Variants in WNK1 observed in about 807,000 individuals in gnomAD.
WNK1 encodes the protein WNK lysine deficient protein kinase 1, also known as serine/threonine-protein kinase WNK1.
Under a neutral mutation model 222.8 loss-of-function variants are expected in WNK1, and 38 were observed. The ratio of observed to expected loss-of-function variants is 0.17; its 90% CI spans 0.13 to 0.22. The LOEUF is 0.22. Ranked by LOEUF, WNK1 falls within the 10% of genes least tolerant of loss-of-function variation. WNK1 has a pLI of 1.00. For synonymous variants in WNK1, 1,090 were observed against 1,092.9 expected (o/e 1.00, Z 0.05); for missense variants, 2,348 against 2,918.4 (o/e 0.80, Z 4.50).
At chr12:755,345 A>G (rs117480018) in intron 1 of WNK1, among the ~76,000 whole-genome samples, 2 of 152,338 alleles carry the variant, frequency 1.3e-5, no homozygotes, top group East Asian at 1.9e-4. Context: ...CCAGCCTGAT[A>G]CAGGATATGA....
chr12:853,536 C>A (rs1358194354), intron 4 of WNK1, among the ~76,000 whole-genome samples: 1 of 152,168 alleles, frequency 6.6e-6, no homozygotes, highest in African/African-American at 2.4e-5. Context: ...CAGGTGTTAT[C>A]ATTATTGGCT....
intron 1 of WNK1, among the ~76,000 whole-genome samples, chr12:791,493 T>C (rs958758896): frequency 1.3e-4 from 20 of 152,088 alleles, no homozygotes; most frequent in Non-Finnish European, 2.2e-4. Flanking sequence ...TGCTTTTCTA[T>C]AATAACATTC....
intron 1 of WNK1, among the ~76,000 whole-genome samples, chr12:772,396 A>C (rs1028648495): frequency 6.8e-6 from 1 of 147,970 alleles, no homozygotes; most frequent in Non-Finnish European, 1.5e-5. Flanking sequence ...CACAGTAATC[A>C]TAATTGGGGT....
Position 894,633 on chromosome 12 carries a change from C to G in WNK1, c.5581C>G (p.Gln1861Glu), listed in dbSNP as rs1954579155. 1.2e-6 allele frequency: 2 copies of G among 1,613,722 alleles called. No homozygotes were observed. The highest frequency in any genetic ancestry group is 1.7e-6 in the Non-Finnish European group (2 of 1,179,784). The change falls in exon 23 of 28, where the codon CAG (glutamine) becomes GAG (glutamate). Residue 1861 changes from glutamine (Q) to glutamate (E), a missense_variant and splice_region_variant. Gln to Glu is a conservative substitution (Grantham distance 29). Around this residue, in one of 13 missense-constraint regions of WNK1, gnomAD observed 1,144 missense variants for 1,273.6 expected, o/e 0.90. Transcript: ENST00000315939. Reference protein sequence around the residue: ...GAGVFKMGRFQVSVAADGAQK... With the variant: ...GAGVFKMGRFEVSVAADGAQK... Reference sequence around the variant, plus strand: ...TGGTGTTTTTAAGATGGGACGATTTCAGGTAAGACAGTCACTTTGTGTTGC... The same window carrying G: ...TGGTGTTTTTAAGATGGGACGATTTGAGGTAAGACAGTCACTTTGTGTTGC...
At position 859,246 on chromosome 12, in the gene WNK1, T is replaced by C. The variant is rs1261145905; in HGVS notation, c.1402T>C (p.Tyr468His). 6.2e-7 allele frequency: 1 copy of C among 1,610,406 alleles called. No individual in the cohort carries two copies. Among genetic ancestry groups the C allele is most frequent in the Non-Finnish European group, 8.5e-7 (1 of 1,176,840 alleles). Residue 468 changes from tyrosine to histidine, a missense_variant and splice_region_variant, in exon 6 of 28, where the codon TAT (tyrosine) becomes CAT (histidine). By Grantham distance (83) the Tyr-to-His change is moderately conservative (BLOSUM62 2). This residue lies in a region of WNK1 where 37 missense variants were observed against 102.8 expected (regional missense o/e 0.36). Coordinates refer to ENST00000315939, the MANE Select transcript of WNK1 (RefSeq NM_018979.4). ...TTTTCTTTTCCCTCTGTTTGGAAGA[T>C]ATTCCATCAAAGACCTTTTGAACCA... Reference protein sequence around the residue: ...GCIRQNKDERYSIKDLLNHAF... With the variant: ...GCIRQNKDERHSIKDLLNHAF...
At chr12:834,884 C>T (rs548109996) in intron 4 of WNK1, among the ~76,000 whole-genome samples, 33 of 152,266 alleles carry the variant, frequency 2.2e-4, no homozygotes, top group Non-Finnish European at 3.7e-4. Flanking sequence ...TGTGAAGCAG[C>T]ACCAGGCATC....
At position 883,036 on chromosome 12, in the gene WNK1, C is replaced by G; in HGVS notation, c.3466C>G (p.Pro1156Ala). 1 of 1,612,282 alleles carries G rather than the reference C, an allele frequency of 6.2e-7. No individual in the cohort carries two copies. The highest frequency in any genetic ancestry group is 8.5e-7 in the Non-Finnish European group (1 of 1,178,444). ...CAAATTTGACCTAGATGGTGACAACCCCGAGGAGATAGCAACAATTATGGT... is the reference window on the plus strand; with the variant it reads ...CAAATTTGACCTAGATGGTGACAACGCCGAGGAGATAGCAACAATTATGGT... Reference protein sequence around the residue: ...TFKFDLDGDNPEEIATIMVNN... With the variant: ...TFKFDLDGDNAEEIATIMVNN... Residue 1156 changes from proline to alanine, a missense_variant, in exon 15 of 28, where the codon CCC becomes GCC. By Grantham distance (27) the Pro-to-Ala change is conservative. This residue lies in a region of WNK1 where 20 missense variants were observed against 65.0 expected (regional missense o/e 0.31). Coordinates refer to ENST00000315939, the MANE Select transcript of WNK1 (RefSeq NM_018979.4).
rs368645018 is a variant in WNK1 at position 753,332 on chromosome 12, T to C, written c.-234T>C. 7.6e-5 allele frequency: 44 copies of C among 582,478 alleles called. No individual in the cohort carries two copies. The East Asian group carries it at 1.2e-3, about 15-fold the overall frequency. 36.1% of individuals were successfully genotyped at this position (582,478 alleles called of 1,614,324 possible). On this transcript the variant is annotated 5_prime_UTR_variant, in exon 1 of 28. Coordinates refer to ENST00000315939, the MANE Select transcript of WNK1 (RefSeq NM_018979.4). The surrounding 1 kb of genome is among the most constrained non-coding windows in gnomAD (Gnocchi z 5.2). ...TGGCTCAGCTCCCGAATCGCCCGCC[T>C]TCGAGCCCTCCTCGTGAGCCGCAGC...
At chr12:868,380 A>G in intron 8 of WNK1, 1 of 1,614,000 alleles carries the variant, frequency 6.2e-7, no homozygotes, top group South Asian at 1.1e-5. Flanking sequence ...ATACCTGAAC[A>G]GAAGCCAGTA....
Position 900,499 on chromosome 12 carries a change from G to A in WNK1, c.6472G>A (p.Ala2158Thr), listed in dbSNP as rs1173159491. ...LSGNLSGQSA[A>T]SVLHPQQTLH... Reference sequence around the variant, plus strand: ...AGGTAACCTGTCTGGTCAGAGTGCAGCTTCAGTCTTGCACCCCCAGCAGAC... The same window carrying A: ...AGGTAACCTGTCTGGTCAGAGTGCAACTTCAGTCTTGCACCCCCAGCAGAC... The change falls in exon 26 of 28, where the codon GCT becomes ACT. Residue 2158 changes from alanine (A) to threonine (T), a missense_variant. Coordinates refer to ENST00000315939, the MANE Select transcript of WNK1 (RefSeq NM_018979.4). 13 of 1,614,146 alleles carry A rather than the reference G, an allele frequency of 8.1e-6. No individual in the cohort carries two copies. The highest frequency in any genetic ancestry group is 1.0e-5 in the Non-Finnish European group (12 of 1,180,022).
At chr12:878,107 AT>A in intron 9 of WNK1, 104 bp from the exon 10 acceptor site, 1 of 1,439,568 alleles carries the variant, frequency 6.9e-7, no homozygotes, top group South Asian at 1.2e-5. Context: ...GATTACTAAA[AT>A]CATCATTATT....
In WNK1 at chr12:895,996, T is replaced by C. The variant is rs35956200; in HGVS notation, c.5584-75T>C. The C allele has an allele frequency of 0.13, 211,082 of 1,590,304 alleles. 14,803 individuals carry two copies. The highest frequency in any genetic ancestry group is 0.17 in the South Asian group (15,559 of 89,740). On this transcript the variant is annotated intron_variant, in intron 23 of 27. Coordinates refer to ENST00000315939, the MANE Select transcript of WNK1 (RefSeq NM_018979.4). ...CAGGGAAATAAAGTGATTCTTTTTT[T>C]CCTTTTTTAAATTGTCTGTGATAGA...
intron 25 of WNK1, among the ~76,000 whole-genome samples, chr12:899,861 A>G (rs1414900204): frequency 6.6e-6 from 1 of 151,548 alleles, no homozygotes; most frequent in Non-Finnish European, 1.5e-5. Context: ...AATAGGGTAA[A>G]AAAAAAAGCA....
chr12:882,928 C>T lies in WNK1; in HGVS notation c.3373-15C>T, dbSNP rs775304747. ...AATATGGTCTTTGGAGATGATGTAC[C>T]TTTTTTCTTTTTAGGTTTCAAATAA... On this transcript the variant is annotated splice_polypyrimidine_tract_variant and intron_variant, in intron 14 of 27. Coordinates refer to ENST00000315939, the MANE Select transcript of WNK1 (RefSeq NM_018979.4). 8 of 1,513,882 alleles carry T rather than the reference C, an allele frequency of 5.3e-6. No homozygotes were observed. The highest frequency in any genetic ancestry group is 7.3e-6 in the Non-Finnish European group (8 of 1,089,012). The allele number at this position is 1,513,882 out of a possible 1,614,324, so 93.8% of individuals were successfully genotyped here.
chr12:824,031 C>T lies in WNK1; in HGVS notation c.933-3011C>T, dbSNP rs575167455. 5.9e-5 allele frequency among the ~76,000 whole-genome samples: 9 copies of T among 151,358 alleles called. No individual in the cohort carries two copies. In the South Asian group the frequency reaches 8.4e-4, roughly 14 times the overall value. ...AAGCGATTCTCCAACCTCAGCCTCC[C>T]GAGTAGCTGGGGCTATAGGCACATG... On this transcript the variant is annotated intron_variant, in intron 2 of 27. Transcript: ENST00000315939.
chr12:856,687 TCCTTTGAGTTTGTTAAAG>T (rs1950823280), intron 4 of WNK1, among the ~76,000 whole-genome samples: 1 of 152,156 alleles, frequency 6.6e-6, no homozygotes, highest in Non-Finnish European at 1.5e-5. Context: ...AATCCTCAAC[TCCTTTGAGTTTGTTAAAG>T]ATTACTATAA....
At chr12:770,257 A>C (rs980239876) in intron 1 of WNK1, among the ~76,000 whole-genome samples, 3 of 152,208 alleles carry the variant, frequency 2.0e-5, no homozygotes, top group African/African-American at 7.2e-5. Context: ...TATAGGCGTG[A>C]GCCACTGCGC....
At position 827,190 on chromosome 12, in the gene WNK1, A is replaced by T; in HGVS notation, c.1081A>T (p.Thr361Ser). The part of the protein sequence containing the change: ...KCDNIFITGP[T>S]GSVKIGDLGL... ...TGACAACATCTTTATCACCGGCCCT[A>T]CTGGCTCAGTCAAGATTGGAGACCT... is the stretch of plus-strand genomic sequence containing the variant. The change falls in exon 3 of 28, where the codon ACT becomes TCT. Residue 361 changes from threonine to serine, a missense_variant. Physicochemically the swap from Thr to Ser is moderately conservative, Grantham distance 58. Around this residue, in one of 13 missense-constraint regions of WNK1, gnomAD observed 57 missense variants for 219.0 expected, o/e 0.26. Transcript: ENST00000315939. The surrounding 1 kb of genome is among the most constrained non-coding windows in gnomAD (Gnocchi z 4.6). 1 of 1,614,140 alleles carries T rather than the reference A, an allele frequency of 6.2e-7. No individual in the cohort carries two copies. The highest frequency in any genetic ancestry group is 1.1e-5 in the South Asian group (1 of 91,086).
At chr12:877,218 C>G (rs1292186391) in intron 9 of WNK1, among the ~76,000 whole-genome samples, 2 of 152,078 alleles carry the variant, frequency 1.3e-5, no homozygotes, top group African/African-American at 2.4e-5. Flanking sequence ...TATGTGCCAC[C>G]ACGCCCGGCT....
Sources: allele counts gnomAD v4.1 joint callset (sites outside exome capture counted in the v4.1 genomes callset), GRCh38; gene constraint gnomAD v4.1.1; regional missense constraint gnomAD v4.1.1; non-coding constraint Gnocchi (gnomAD v3.1); transcripts MANE v1.5; gene names NCBI Gene and HGNC (gene_info 2026-07-23, HGNC 2026-07-21).